TNKS: variants seen among roughly 807,000 people sequenced by gnomAD.
The protein encoded by TNKS is poly [ADP-ribose] polymerase tankyrase-1.
TNKS carries 72 observed loss-of-function variants against 135.8 expected under a neutral mutation model. That is an observed-to-expected ratio of 0.53 (90% CI 0.44 to 0.64). The LOEUF (loss-of-function observed/expected upper bound fraction) is 0.64, where lower values mean the gene tolerates loss of function less well. TNKS is among the 30% of genes least tolerant of loss of function. The probability of loss-of-function intolerance (pLI) is 0.00; values close to 1 mark genes in which losing one functional copy is unlikely to be tolerated. For synonymous variants in TNKS, 849 were observed against 649.3 expected, an observed-to-expected ratio of 1.31 and a Z score of -4.68; for missense variants, 1,769 against 1,674.0, an observed-to-expected ratio of 1.06 and a Z score of -0.99.
intron 5 of TNKS, among the ~76,000 whole-genome samples, chr8:9,684,151 C>T (rs1802894495): frequency 6.6e-6 from 1 of 151,940 alleles, no homozygotes; most frequent in Admixed American, 6.6e-5. Context: ...TCATTATTGC[C>T]ATTAGGTGAA....
chr8:9,775,526 TG>T (rs1190481545), intron 26 of TNKS, among the ~76,000 whole-genome samples: 2 of 141,794 alleles, frequency 1.4e-5, no homozygotes, highest in African/African-American at 2.5e-5. Context: ...TTAACATTTA[TG>T]TTTTTTTGTT....
intron 17 of TNKS, among the ~76,000 whole-genome samples, chr8:9,743,253 C>G (rs1019270468): frequency 6.6e-6 from 1 of 152,174 alleles, no homozygotes; most frequent in Non-Finnish European, 1.5e-5. Context: ...TAAATCATTT[C>G]TTCTTCCTAA....
At chr8:9,653,229 G>C (rs1383580438) in intron 3 of TNKS, among the ~76,000 whole-genome samples, 5 of 152,150 alleles carry the variant, frequency 3.3e-5, no homozygotes, top group Non-Finnish European at 7.3e-5. Flanking sequence ...TGCTGACAGT[G>C]TTTGTTGCTT....
intron 2 of TNKS, among the ~76,000 whole-genome samples, chr8:9,602,603 C>G (rs1471249821): frequency 6.6e-6 from 1 of 152,200 alleles, no homozygotes; most frequent in Admixed American, 6.5e-5. Context: ...GTAGCCTACA[C>G]CTACACGCCC....
intron 3 of TNKS, among the ~76,000 whole-genome samples, chr8:9,630,980 A>T (rs1585253636): frequency 2.0e-5 from 3 of 152,284 alleles, no homozygotes; most frequent in South Asian, 2.1e-4. Context: ...ATACATTTTC[A>T]TGACCTTTTC....
chr8:9,735,309 A>G, intron 16 of TNKS, 68 bp from the exon 17 acceptor site: 1 of 1,415,032 alleles, frequency 7.1e-7, no homozygotes, highest in Non-Finnish European at 9.9e-7. Flanking sequence ...TCTGGTCCTT[A>G]TTACATATGT....
intron 20 of TNKS, among the ~76,000 whole-genome samples, chr8:9,758,929 C>A (rs1322039829): frequency 6.6e-6 from 1 of 152,194 alleles, no homozygotes; most frequent in Non-Finnish European, 1.5e-5. Flanking sequence ...GTCAGTATCT[C>A]ATCTAAAGAC....
chr8:9,711,882 C>T (rs1037280567), intron 11 of TNKS, among the ~76,000 whole-genome samples: 6 of 152,126 alleles, frequency 3.9e-5, no homozygotes, highest in Admixed American at 3.9e-4. Flanking sequence ...ATAATTTAAA[C>T]ACATAAAAAC....
intron 5 of TNKS, among the ~76,000 whole-genome samples, chr8:9,695,586 G>T (rs1004025281): frequency 6.6e-6 from 1 of 152,126 alleles, no homozygotes; most frequent in African/African-American, 2.4e-5. Context: ...TTGAGCACAA[G>T]ATTTGTATAC....
At chr8:9,563,203 A>T (rs934608609) in intron 1 of TNKS, among the ~76,000 whole-genome samples, 15 of 152,148 alleles carry the variant, frequency 9.9e-5, no homozygotes, top group Non-Finnish European at 2.1e-4. Context: ...CATCTTAAAT[A>T]AGCTCTTGTA....
At chr8:9,750,161 G>A (rs1356346540) in intron 18 of TNKS, among the ~76,000 whole-genome samples, 1 of 152,150 alleles carries the variant, frequency 6.6e-6, no homozygotes, top group Non-Finnish European at 1.5e-5. Context: ...GTTTTTTAAA[G>A]ATTTTGAGGT....
intron 5 of TNKS, among the ~76,000 whole-genome samples, chr8:9,694,400 T>C (rs1043057942): frequency 4.6e-5 from 7 of 152,152 alleles, no homozygotes; most frequent in African/African-American, 1.7e-4. Flanking sequence ...ATAACTATTA[T>C]TTTGGAACAT....
At chr8:9,766,772 C>A (rs1807475424) in intron 25 of TNKS, among the ~76,000 whole-genome samples, 1 of 152,184 alleles carries the variant, frequency 6.6e-6, no homozygotes, top group Non-Finnish European at 1.5e-5. Flanking sequence ...GCATGAGCCA[C>A]CGTGCCCAGC....
chr8:9,661,443 A>G (rs1197307553), intron 3 of TNKS, among the ~76,000 whole-genome samples: 1 of 152,154 alleles, frequency 6.6e-6, no homozygotes, highest in Non-Finnish European at 1.5e-5. Context: ...ATCTACAACT[A>G]TCTGATTTTT....
intron 17 of TNKS, among the ~76,000 whole-genome samples, chr8:9,744,861 A>G (rs936423132): frequency 6.6e-6 from 1 of 152,208 alleles, no homozygotes; most frequent in Non-Finnish European, 1.5e-5. Flanking sequence ...ACAAGCATGT[A>G]GTTGGTTTGT....
chr8:9,781,337 T>C lies in TNKS; in HGVS notation c.*4601T>C, dbSNP rs904271123. 1.3e-5 allele frequency: 2 copies of C among 152,212 alleles called. No individual in the cohort carries two copies. Among genetic ancestry groups the C allele is most frequent in the African/African-American group, 2.4e-5 (1 of 41,446 alleles). The allele number at this position is 152,212 out of a possible 1,614,324, so 9.4% of individuals were successfully genotyped here. A position where few individuals can be genotyped will look rare whatever the true frequency, so the allele number is the denominator to read the frequency against. The stretch of plus-strand genomic sequence containing the variant: ...TTCTGCAGGCAGCCCTGAAAGCCCT[T>C]GTGTTGATTCAGAGTGTTTGCAGAG... On this transcript the variant is annotated 3_prime_UTR_variant, in exon 27 of 27. Transcript: ENST00000310430.
At chr8:9,775,391 A>C (rs907912062) in intron 26 of TNKS, among the ~76,000 whole-genome samples, 1 of 147,790 alleles carries the variant, frequency 6.8e-6, no homozygotes, top group African/African-American at 2.5e-5. Context: ...ACTAAAATAG[A>C]AACTGTTGTT....
chr8:9,579,593 C>G (rs1055551237), intron 1 of TNKS, among the ~76,000 whole-genome samples: 13 of 152,264 alleles, frequency 8.5e-5, no homozygotes, highest in African/African-American at 2.9e-4. Flanking sequence ...CTCAGCCTCC[C>G]AAGTAGGTGG....
At chr8:9,579,270 A>G (rs865909278) in intron 1 of TNKS, among the ~76,000 whole-genome samples, 10 of 152,038 alleles carry the variant, frequency 6.6e-5, no homozygotes, top group Admixed American at 1.3e-4. Context: ...TTCACCACCC[A>G]TTTCATATAG....
Sources: gnomAD v4.1 joint callset for allele counts (sites outside exome capture counted in the v4.1 genomes callset) on GRCh38, gnomAD v4.1.1 for gene constraint, MANE v1.5 for transcripts, NCBI Gene and HGNC (gene_info 2026-07-23, HGNC 2026-07-21) for gene names.